Variants in TRPM3 observed in about 807,000 individuals in gnomAD.
The protein encoded by TRPM3 is transient receptor potential cation channel subfamily M member 3.
TRPM3 carries 77 observed loss-of-function variants against 181.2 expected under a neutral mutation model. That is an observed-to-expected ratio of 0.42 (90% CI 0.35 to 0.51). The LOEUF is 0.51. Among genes scored for constraint, TRPM3 ranks in the 20% least tolerant of loss-of-function variants. TRPM3 has a pLI of 0.01. For synonymous variants in TRPM3, 745 were observed against 796.4 expected, an observed-to-expected ratio of 0.94 and a Z score of 1.09; for missense variants, 1,759 against 2,196.7, an observed-to-expected ratio of 0.80 and a Z score of 3.98.
At chr9:70,817,756 C>T (rs2092829720) in intron 6 of TRPM3, among the ~76,000 whole-genome samples, 1 of 152,204 alleles carries the variant, frequency 6.6e-6, no homozygotes, top group Non-Finnish European at 1.5e-5. Context: ...TACTACAGAC[C>T]ACCCAGTCTT....
At chr9:70,980,067 GCACACACA>G (rs10527749) in intron 1 of TRPM3, among the ~76,000 whole-genome samples, 2 of 137,888 alleles carry the variant, frequency 1.5e-5, no homozygotes, top group African/African-American at 2.9e-5. Context: ...GCATGTGCGT[GCACACACA>G]CACACACACA....
chr9:71,367,430 CA>C (rs1351683370), intron 1 of TRPM3, among the ~76,000 whole-genome samples: 8 of 152,070 alleles, frequency 5.3e-5, no homozygotes, highest in African/African-American at 1.9e-4. Context: ...GTTGGTTCAC[CA>C]AGTCTAAATT....
At chr9:71,164,292 G>A (rs1195861485) in intron 1 of TRPM3, among the ~76,000 whole-genome samples, 1 of 152,172 alleles carries the variant, frequency 6.6e-6, no homozygotes, top group Non-Finnish European at 1.5e-5. Flanking sequence ...TGTTTTAGAT[G>A]GACAAGGTTT....
chr9:70,952,988 T>C (rs1224185633), intron 1 of TRPM3, among the ~76,000 whole-genome samples: 2 of 152,170 alleles, frequency 1.3e-5, no homozygotes, highest in Admixed American at 6.5e-5. Context: ...CCAAATAACA[T>C]AGAAATGGCC....
chr9:71,298,805 A>T (rs2086523713), intron 1 of TRPM3, among the ~76,000 whole-genome samples: 1 of 152,148 alleles, frequency 6.6e-6, no homozygotes, highest in Admixed American at 6.6e-5. Flanking sequence ...CACCTGCAGA[A>T]TAAATCTCAG....
chr9:71,029,896 G>A lies in TRPM3; in HGVS notation c.177+91282C>T, dbSNP rs7018775. ...GGCAATGACATTGCTTTGGTGGACTGCTCATATTTGAGTCAGGTACCAGTA... is the reference window on the plus strand; with the variant it reads ...GGCAATGACATTGCTTTGGTGGACTACTCATATTTGAGTCAGGTACCAGTA... On this transcript the variant is annotated intron_variant, in intron 1 of 25. Coordinates refer to ENST00000677713, the MANE Select transcript of TRPM3 (RefSeq NM_001366145.2). 4.9e-3 allele frequency among the ~76,000 whole-genome samples: 752 copies of A among 152,268 alleles called. 8 individuals are homozygous for A. Among genetic ancestry groups the A allele is most frequent in the African/African-American group, 0.017 (717 of 41,560 alleles).
intron 1 of TRPM3, among the ~76,000 whole-genome samples, chr9:71,212,280 A>G (rs2079555579): frequency 6.6e-6 from 1 of 152,062 alleles, no homozygotes; most frequent in African/African-American, 2.4e-5. Context: ...CCCAGCCCAC[A>G]TAATTTTTAT....
chr9:71,327,395 C>T (rs1175203315), intron 1 of TRPM3, among the ~76,000 whole-genome samples: 4 of 152,144 alleles, frequency 2.6e-5, no homozygotes, highest in Non-Finnish European at 5.9e-5. Context: ...ATGCCATGCA[C>T]TGTCTCCCCA....
intron 1 of TRPM3, among the ~76,000 whole-genome samples, chr9:71,289,537 A>C (rs373186677): frequency 6.6e-6 from 1 of 152,132 alleles, no homozygotes; most frequent in African/African-American, 2.4e-5. Flanking sequence ...TACAGTAGGA[A>C]AATCATAGTT....
At chr9:71,263,741 AC>A (rs2083211201) in intron 1 of TRPM3, among the ~76,000 whole-genome samples, 1 of 138,320 alleles carries the variant, frequency 7.2e-6, no homozygotes, top group Admixed American at 7.7e-5. Context: ...GGGAATAATC[AC>A]CCCTGGTCTC....
At chr9:71,273,777 G>A (rs1258867880) in intron 1 of TRPM3, among the ~76,000 whole-genome samples, 2 of 152,116 alleles carry the variant, frequency 1.3e-5, no homozygotes, top group Admixed American at 6.5e-5. Context: ...CAAAGTCCAG[G>A]TTACTCTGCC....
rs183197240 is a variant in TRPM3 at position 71,345,025 on chromosome 9, C to G, written c.183+101628G>C. Among the ~76,000 whole-genome samples the G allele has an allele frequency of 4.6e-5, 7 of 152,292 alleles. No individual in the cohort carries two copies. In the East Asian group the frequency reaches 1.4e-3, roughly 29 times the overall value. The stretch of plus-strand genomic sequence containing the variant: ...CACTGGTCATTAGAGAAACGCTCAT[C>G]AAAACCACAATGAGATACCATCTCA... On this transcript the variant is annotated intron_variant, in intron 1 of 24. Coordinates refer to the TRPM3 transcript ENST00000357533.
intron 1 of TRPM3, among the ~76,000 whole-genome samples, chr9:71,012,653 C>T (rs968572665): frequency 6.6e-6 from 1 of 151,932 alleles, no homozygotes; most frequent in African/African-American, 2.4e-5. Context: ...AGAGCTGGCA[C>T]ATTTCATGAC....
chr9:70,752,286 C>T (rs2076332818), intron 8 of TRPM3, among the ~76,000 whole-genome samples: 1 of 152,050 alleles, frequency 6.6e-6, no homozygotes, highest in Non-Finnish European at 1.5e-5. Flanking sequence ...TGGAAACCTG[C>T]TTTATGAAAG....
intron 2 of TRPM3, 132 bp from the exon 3 acceptor site, chr9:70,863,244 T>C (rs2095564766): frequency 2.8e-6 from 2 of 701,984 alleles, no homozygotes; most frequent in Non-Finnish European, 4.7e-6. Context: ...AATTCCACCA[T>C]GTGGCTATAT....
intron 8 of TRPM3, among the ~76,000 whole-genome samples, chr9:70,686,182 G>A (rs1198421268): frequency 6.6e-6 from 1 of 151,504 alleles, no homozygotes; most frequent in Admixed American, 6.6e-5. Context: ...CCACATATAT[G>A]TACATATACA....
intron 1 of TRPM3, among the ~76,000 whole-genome samples, chr9:70,934,866 T>TC: frequency 6.6e-6 from 1 of 151,206 alleles, no homozygotes; most frequent in Non-Finnish European, 1.5e-5. Context: ...AATGACCTCC[T>TC]CCCCCCAAAA....
At chr9:70,935,584 A>T (rs2096821435) in intron 1 of TRPM3, among the ~76,000 whole-genome samples, 1 of 152,116 alleles carries the variant, frequency 6.6e-6, no homozygotes, top group Non-Finnish European at 1.5e-5. Flanking sequence ...GTTATCTATG[A>T]CCTTTTGGTA....
intron 1 of TRPM3, among the ~76,000 whole-genome samples, chr9:71,280,112 C>G (rs2084584906): frequency 6.7e-6 from 1 of 150,210 alleles, no homozygotes; most frequent in East Asian, 2.0e-4. Flanking sequence ...GTATAAGGTT[C>G]TCCCCTTTTA....
Sources: allele counts gnomAD v4.1 joint callset (sites outside exome capture counted in the v4.1 genomes callset), GRCh38; gene constraint gnomAD v4.1.1; transcripts MANE v1.5; gene names NCBI Gene and HGNC (gene_info 2026-07-23, HGNC 2026-07-21).